Variants in MOXD1 observed in about 807,000 individuals in gnomAD.
MOXD1 encodes the protein DBH-like monooxygenase protein 1.
In MOXD1, 62 loss-of-function variants were observed where a neutral mutation model predicts 66.6. That is an observed-to-expected ratio of 0.93 (90% confidence interval 0.76 to 1.15). The LOEUF is 1.15. Ranked by LOEUF, MOXD1 falls within the 50% of genes most tolerant of loss-of-function variation. The probability of loss-of-function intolerance (pLI) is 0.00; values close to 1 mark genes in which losing one functional copy is unlikely to be tolerated. For missense variants in MOXD1, 847 were observed against 754.6 expected (o/e 1.12, Z -1.44); for synonymous variants, 303 against 281.9 (o/e 1.07, Z -0.75).
chr6:132,376,887 C>T (rs1776391417), intron 1 of MOXD1, among the ~76,000 whole-genome samples: 1 of 152,184 alleles, frequency 6.6e-6, no homozygotes, highest in Admixed American at 6.5e-5. Context: ...CTTCAAATCA[C>T]ATCTATCAGA....
At chr6:132,351,742 T>C (rs1775806533) in intron 4 of MOXD1, among the ~76,000 whole-genome samples, 1 of 152,184 alleles carries the variant, frequency 6.6e-6, no homozygotes, top group Admixed American at 6.5e-5. Flanking sequence ...GAATGCCTGC[T>C]GTGAATCCGT....
At chr6:132,327,917 C>A (rs1328976315) in intron 6 of MOXD1, 96 bp downstream of exon 6, 1 of 908,140 alleles carries the variant, frequency 1.1e-6, no homozygotes. Flanking sequence ...TTCCTTCTAA[C>A]ACTGGCTGCT....
Position 132,324,047 on chromosome 6 carries a change from T to G in MOXD1, c.997A>C (p.Lys333Gln), listed in dbSNP as rs1261624341. The G allele has an allele frequency of 5.6e-6, 9 of 1,613,856 alleles. No homozygotes were observed. The highest frequency in any genetic ancestry group is 7.6e-6 in the Non-Finnish European group (9 of 1,179,890). The change falls in exon 7 of 12, where the codon AAA becomes CAA. Residue 333 changes from lysine to glutamine, a missense_variant. Transcript: ENST00000367963. ...LRLFYTMDIR[K>Q]YDAGVIEAGL... ...GCCTCAATCACCCCAGCATCATATT[T>G]CCTTATATCCATTGTGTAAAATAAC...
chr6:132,369,696 T>C (rs1159529102), intron 4 of MOXD1, among the ~76,000 whole-genome samples: 1 of 152,058 alleles, frequency 6.6e-6, no homozygotes. Flanking sequence ...ACTAAGTGAC[T>C]AACGGATGGG....
intron 1 of MOXD1, among the ~76,000 whole-genome samples, chr6:132,376,014 C>T (rs1776371981): frequency 1.3e-5 from 2 of 152,010 alleles, no homozygotes; most frequent in Admixed American, 6.5e-5. Flanking sequence ...TGGTTTTATC[C>T]CCAAAATATC....
chr6:132,383,052 G>C (rs1224225186), intron 1 of MOXD1, among the ~76,000 whole-genome samples: 1 of 152,206 alleles, frequency 6.6e-6, no homozygotes, highest in African/African-American at 2.4e-5. Flanking sequence ...CAGCTGCAGG[G>C]AGATTCTTGA....
chr6:132,366,883 C>G (rs985085142), intron 4 of MOXD1, among the ~76,000 whole-genome samples: 3 of 152,134 alleles, frequency 2.0e-5, no homozygotes, highest in South Asian at 2.1e-4. Context: ...CTACAGTAAT[C>G]TGGCTTCAAG....
intron 1 of MOXD1, among the ~76,000 whole-genome samples, chr6:132,380,347 G>A (rs1054827572): frequency 2.6e-5 from 4 of 152,152 alleles, no homozygotes; most frequent in East Asian, 1.9e-4. Flanking sequence ...ATCTCACCAC[G>A]GGACCTGTAC....
rs75185779 is a variant in MOXD1 at position 132,330,625 on chromosome 6, A to G, written c.664-2031T>C. ...GCCCTGGCGTGTTGCTAAATATCCA[A>G]GAGTTTAGCCTTAGAGTTCATCAAC... On this transcript the variant is annotated intron_variant, in intron 4 of 11. Coordinates refer to ENST00000367963, the MANE Select transcript of MOXD1 (RefSeq NM_015529.4). Among the ~76,000 whole-genome samples the G allele has an allele frequency of 7.8e-3, 1,185 of 152,292 alleles. 26 individuals carry two copies. Among genetic ancestry groups the G allele is most frequent in the African/African-American group, 0.027 (1,135 of 41,552 alleles).
chr6:132,302,077 G>A (rs1289450905), intron 10 of MOXD1, among the ~76,000 whole-genome samples: 2 of 152,128 alleles, frequency 1.3e-5, no homozygotes, highest in South Asian at 2.1e-4. Flanking sequence ...AGGATCCTCT[G>A]AGTCAGTAAC....
rs576823951 is a variant in MOXD1 at position 132,329,113 on chromosome 6, A to C, written c.664-519T>G. On this transcript the variant is annotated intron_variant, in intron 4 of 11. Coordinates refer to ENST00000367963, the MANE Select transcript of MOXD1 (RefSeq NM_015529.4). ...ATATCTCCTAATGCTATCCCTCCCC[A>C]CTCTCCCCACCCCACGACAGGCCCT... 4.2e-3 allele frequency among the ~76,000 whole-genome samples: 625 copies of C among 150,456 alleles called. 5 individuals are homozygous for C. The highest frequency in any genetic ancestry group is 0.024 in the Middle Eastern group (7 of 292).
intron 1 of MOXD1, among the ~76,000 whole-genome samples, chr6:132,386,433 C>CAAAACA (rs1223126870): frequency 7.5e-4 from 49 of 65,118 alleles, no homozygotes; most frequent in East Asian, 2.1e-3. Context: ...CAAAACAAAA[C>CAAAACA]AAAAAAAAAA....
At chr6:132,366,858 G>A (rs903702841) in intron 4 of MOXD1, among the ~76,000 whole-genome samples, 4 of 152,046 alleles carry the variant, frequency 2.6e-5, no homozygotes, top group East Asian at 1.9e-4. Flanking sequence ...ATTTTCGAGT[G>A]GCTATTTCAT....
chr6:132,350,433 G>A (rs977772427), intron 4 of MOXD1, among the ~76,000 whole-genome samples: 14 of 152,270 alleles, frequency 9.2e-5, no homozygotes, highest in Non-Finnish European at 1.8e-4. Flanking sequence ...ACAGTTGGCT[G>A]TAAGTATTTG....
At chr6:132,310,895 A>G (rs1303349155) in intron 10 of MOXD1, among the ~76,000 whole-genome samples, 1 of 152,182 alleles carries the variant, frequency 6.6e-6, no homozygotes, top group Non-Finnish European at 1.5e-5. Context: ...CAATAAGTGC[A>G]GCAAACCACC....
In MOXD1 at chr6:132,297,852, TGAA is replaced by T. The variant is rs1562274420; in HGVS notation, c.1609_1611del (p.Phe537del). 4.3e-6 allele frequency: 7 copies of T among 1,613,556 alleles called. No homozygotes were observed. In the Admixed American group the frequency reaches 1.2e-4, roughly 27 times the overall value. On this transcript the variant is annotated inframe_deletion, in exon 11 of 12. Coordinates refer to ENST00000367963, the MANE Select transcript of MOXD1 (RefSeq NM_015529.4). ...ACTGGCAGGCTGAGGACCAGCTTGT[TGAA>T]GGAGAGACCTTCCTTTTTAGTCCAT...
intron 4 of MOXD1, among the ~76,000 whole-genome samples, chr6:132,361,770 T>G (rs1330311498): frequency 6.6e-6 from 1 of 152,142 alleles, no homozygotes; most frequent in Non-Finnish European, 1.5e-5. Context: ...AAATCTCAAC[T>G]ATAACATTTT....
intron 1 of MOXD1, among the ~76,000 whole-genome samples, chr6:132,384,077 A>G (rs1776564812): frequency 6.6e-6 from 1 of 152,216 alleles, no homozygotes; most frequent in South Asian, 2.1e-4. Context: ...TCAAAAAAAA[A>G]TGAATTATCT....
At chr6:132,319,133 C>G (rs1379771717) in intron 9 of MOXD1, among the ~76,000 whole-genome samples, 4 of 151,832 alleles carry the variant, frequency 2.6e-5, no homozygotes, top group Non-Finnish European at 5.9e-5. Flanking sequence ...CTATTTTTAA[C>G]CTTTTGCTCT....
Sources: allele counts gnomAD v4.1 joint callset (sites outside exome capture counted in the v4.1 genomes callset), GRCh38; gene constraint gnomAD v4.1.1; transcripts MANE v1.5; gene names NCBI Gene and HGNC (gene_info 2026-07-23, HGNC 2026-07-21).